The following SHLD1 variants were observed in gnomAD, a reference collection of about 807,000 sequenced individuals.
SHLD1 encodes RINN1-REV7-interacting novel NHEJ regulator 3.
Under a neutral mutation model 5.5 loss-of-function variants are expected in SHLD1, and 3 were observed. The ratio of observed to expected loss-of-function variants is 0.54; its 90% CI spans 0.25 to 1.40. The LOEUF (loss-of-function observed/expected upper bound fraction) is 1.40. Ranked by LOEUF, SHLD1 falls within the 40% of genes most tolerant of loss-of-function variation. SHLD1 has a pLI of 0.15. For synonymous variants in SHLD1, 92 were observed against 94.3 expected, an observed-to-expected ratio of 0.98 and a Z score of 0.14; for missense variants, 210 against 244.4, an observed-to-expected ratio of 0.86 and a Z score of 0.94.
At chr20:5,810,258 G>GA (rs113215634) in intron 2 of SHLD1, among the ~76,000 whole-genome samples, 5,168 of 143,434 alleles carry the variant, frequency 0.036, 216 homozygotes, top group African/African-American at 0.094. Context: ...CTCTGTCTCG[G>GA]AAAAAAAAAA....
At chr20:5,783,007 T>C (rs529005473) in intron 2 of SHLD1, among the ~76,000 whole-genome samples, 114 of 152,270 alleles carry the variant, frequency 7.5e-4, no homozygotes, top group African/African-American at 2.7e-3. Context: ...TAGTGGCTAA[T>C]ACCCAGTCAC....
intron 2 of SHLD1, among the ~76,000 whole-genome samples, chr20:5,828,252 T>G (rs1254064825): frequency 6.6e-6 from 1 of 152,222 alleles, no homozygotes; most frequent in Non-Finnish European, 1.5e-5. Flanking sequence ...CTCTTCTAGA[T>G]CTTTAACTCC....
intron 2 of SHLD1, among the ~76,000 whole-genome samples, chr20:5,809,507 A>G (rs763754934): frequency 7.2e-5 from 11 of 151,828 alleles, no homozygotes; most frequent in Non-Finnish European, 1.6e-4. Context: ...GGTTATTGTC[A>G]CTCTGCCACC....
chr20:5,804,324 A>G (rs938237288), intron 2 of SHLD1, among the ~76,000 whole-genome samples: 3 of 142,174 alleles, frequency 2.1e-5, no homozygotes, highest in Non-Finnish European at 3.0e-5. Context: ...TAGTTACTGT[A>G]AGACATTTGT....
chr20:5,862,969 C>A (rs748962924), intron 2 of SHLD1, 55 bp from the exon 3 acceptor site: 42 of 1,473,522 alleles, frequency 2.9e-5, no homozygotes, highest in Middle Eastern at 1.9e-4. Context: ...TCTTGGCTTG[C>A]TTTCTGATAT....
chr20:5,860,602 G>A (rs577250453), intron 2 of SHLD1, among the ~76,000 whole-genome samples: 137 of 151,802 alleles, frequency 9.0e-4, no homozygotes, highest in African/African-American at 2.8e-3. Flanking sequence ...GTTTTTTTTT[G>A]CATTTGGCTG....
rs113975793 is a variant in SHLD1 at position 5,850,112 on chromosome 20, CAATAATAATAATAAT to C, written c.179-12887_179-12873del. Among the ~76,000 whole-genome samples, 1,152 of 130,246 alleles carry C rather than the reference CAATAATAATAATAAT, an allele frequency of 8.8e-3. 21 individuals carry two copies. The highest frequency in any genetic ancestry group is 0.031 in the African/African-American group (1,097 of 35,482). 85.4% of individuals were successfully genotyped at this position (130,246 alleles called of 152,430 possible). A position where few individuals can be genotyped will look rare whatever the true frequency, so the allele number is the denominator to read the frequency against. On this transcript the variant is annotated intron_variant, in intron 2 of 2. Coordinates refer to ENST00000303142, the MANE Select transcript of SHLD1 (RefSeq NM_152504.4). Reference sequence around the variant, plus strand: ...TGGGCAACACAGCAAGACCCCGTCTCAATAATAATAATAATAATAATAATAATAATAATAATAATT... The same window carrying C: ...TGGGCAACACAGCAAGACCCCGTCTCAATAATAATAATAATAATAATAATT...
Position 5,863,619 on chromosome 20 carries a change from A to G in SHLD1, c.*156A>G, listed in dbSNP as rs965126322. 2.8e-6 allele frequency: 2 copies of G among 715,676 alleles called. No homozygotes were observed. The highest frequency in any genetic ancestry group is 2.8e-5 in the East Asian group (1 of 36,200). The allele number at this position is 715,676 out of a possible 1,614,324, so 44.3% of individuals were successfully genotyped here. ...TAAAGGCTGGCACCTGTGACCTGGT[A>G]TTGGAGCCAGTCAGCCCATATGGAG... is the stretch of plus-strand genomic sequence containing the variant. On this transcript the variant is annotated 3_prime_UTR_variant, in exon 3 of 3. Coordinates refer to ENST00000303142, the MANE Select transcript of SHLD1 (RefSeq NM_152504.4).
chr20:5,835,351 A>G (rs748850390), intron 2 of SHLD1, among the ~76,000 whole-genome samples: 15 of 152,180 alleles, frequency 9.9e-5, no homozygotes, highest in Non-Finnish European at 2.1e-4. Flanking sequence ...CTACCATCAC[A>G]CTGTGCCAGG....
intron 2 of SHLD1, among the ~76,000 whole-genome samples, chr20:5,860,019 G>A (rs777996371): frequency 1.4e-3 from 211 of 152,128 alleles, no homozygotes; most frequent in Non-Finnish European, 2.0e-3. Context: ...GGACAGTTTT[G>A]AGGGTTCAAC....
chr20:5,751,868 A>T (rs1983769636), intron 1 of SHLD1, among the ~76,000 whole-genome samples: 1 of 152,222 alleles, frequency 6.6e-6, no homozygotes, highest in Non-Finnish European at 1.5e-5. Context: ...TGGAAGGTAT[A>T]CATTGGTTAG....
At chr20:5,781,088 C>T (rs4813775) in intron 2 of SHLD1, among the ~76,000 whole-genome samples, 1 of 151,994 alleles carries the variant, frequency 6.6e-6, no homozygotes, top group Admixed American at 6.5e-5. Flanking sequence ...AATAAAGACA[C>T]AGTCCATCTG....
At chr20:5,839,374 A>G (rs1442066889) in intron 2 of SHLD1, among the ~76,000 whole-genome samples, 2 of 152,200 alleles carry the variant, frequency 1.3e-5, no homozygotes, top group South Asian at 2.1e-4. Context: ...TTTAGCCTAT[A>G]CATATTGATA....
At chr20:5,780,919 T>G (rs1410543374) in intron 2 of SHLD1, among the ~76,000 whole-genome samples, 1 of 152,192 alleles carries the variant, frequency 6.6e-6, no homozygotes, top group East Asian at 1.9e-4. Context: ...CTGTTCATAC[T>G]CTGGAGGAGC....
intron 2 of SHLD1, among the ~76,000 whole-genome samples, chr20:5,800,996 A>G (rs990526962): frequency 2.0e-5 from 3 of 152,114 alleles, no homozygotes; most frequent in Non-Finnish European, 4.4e-5. Context: ...TGTTTAAAAA[A>G]CTATAGACTA....
At chr20:5,754,872 A>G (rs1983976177) in intron 1 of SHLD1, among the ~76,000 whole-genome samples, 1 of 152,120 alleles carries the variant, frequency 6.6e-6, no homozygotes, top group Non-Finnish European at 1.5e-5. Flanking sequence ...CCTGGCCAAC[A>G]TGGTGAAACC....
chr20:5,836,259 T>C (rs1028159900), intron 2 of SHLD1, among the ~76,000 whole-genome samples: 8 of 152,096 alleles, frequency 5.3e-5, no homozygotes, highest in African/African-American at 1.9e-4. Flanking sequence ...TTGAACAGAG[T>C]AGATAATTGC....
At chr20:5,766,097 T>TGCAG (rs1185675497) in intron 1 of SHLD1, among the ~76,000 whole-genome samples, 1 of 152,202 alleles carries the variant, frequency 6.6e-6, no homozygotes, top group African/African-American at 2.4e-5. Flanking sequence ...ACGGCACCTT[T>TGCAG]GCAGGCAGGC....
At chr20:5,758,253 G>A (rs574057768) in intron 1 of SHLD1, among the ~76,000 whole-genome samples, 8 of 147,160 alleles carry the variant, frequency 5.4e-5, no homozygotes, top group African/African-American at 2.0e-4. Context: ...AAGCTAAGGT[G>A]GGGGGATTTG....
Sources: allele counts gnomAD v4.1 joint callset (sites outside exome capture counted in the v4.1 genomes callset), GRCh38; gene constraint gnomAD v4.1.1; transcripts MANE v1.5; gene names NCBI Gene and HGNC (gene_info 2026-07-23, HGNC 2026-07-21).